Variants in EDF1 observed in about 807,000 individuals in gnomAD.
EDF1 encodes the protein endothelial differentiation related factor 1.
In EDF1, 5 loss-of-function variants were observed where a neutral mutation model predicts 20.8. That is an observed-to-expected ratio of 0.24 (90% CI 0.13 to 0.51). The LOEUF (loss-of-function observed/expected upper bound fraction) is 0.51. EDF1 is among the 20% of genes least tolerant of loss of function. The probability of loss-of-function intolerance (pLI) is 0.97; values close to 1 mark genes in which losing one functional copy is unlikely to be tolerated. For missense variants in EDF1, 137 were observed against 197.8 expected, an observed-to-expected ratio of 0.69 and a Z score of 1.84; for synonymous variants, 96 against 78.5, an observed-to-expected ratio of 1.22 and a Z score of -1.18.
intron 1 of EDF1, among the ~76,000 whole-genome samples, chr9:136,865,979 G>A (rs7025238): frequency 0.78 from 97,364 of 124,438 alleles, 37,265 homozygotes; most frequent in East Asian, 0.87. Context: ...TCCCACCCCT[G>A]TCCTGGCCCG....
At position 136,863,106 on chromosome 9, in the gene EDF1, C is replaced by T. The variant is rs940503428; in HGVS notation, c.292-107G>A. 7 of 1,526,976 alleles carry T rather than the reference C, an allele frequency of 4.6e-6. No individual in the cohort carries two copies. In the African/African-American group the frequency reaches 9.6e-5, roughly 21 times the overall value. The allele number at this position is 1,526,976 out of a possible 1,614,324, so 94.6% of individuals were successfully genotyped here. A position where few individuals can be genotyped will look rare whatever the true frequency, so the allele number is the denominator to read the frequency against. ...CAGCTTCTAGGGCCCCTGGGGTACG[C>T]ACCCACACGCAGCTGGGTTTTGTGC... On this transcript the variant is annotated intron_variant, in intron 3 of 4. Transcript: ENST00000224073. This position sits in a 1 kb window ranked among gnomAD's most constrained non-coding sequence, Gnocchi z 4.5.
In EDF1 at chr9:136,863,500, AG is replaced by A. The variant is rs748412325; in HGVS notation, c.131-53del. On this transcript the variant is annotated intron_variant, in intron 2 of 4. Transcript: ENST00000224073. This position sits in a 1 kb window ranked among gnomAD's most constrained non-coding sequence, Gnocchi z 4.5. The stretch of plus-strand genomic sequence containing the variant: ...AGGAGAGGATTTGGAATTAACCTGA[AG>A]AAAAACCATTTCAAAGCGGTAACCA... 31 of 1,582,774 alleles carry A rather than the reference AG, an allele frequency of 2.0e-5. No individual in the cohort carries two copies. Among genetic ancestry groups the A allele is most frequent in the Non-Finnish European group, 2.6e-5 (30 of 1,160,954 alleles).
At chr9:136,866,133 C>G in intron 1 of EDF1, 48 bp downstream of exon 1, 1 of 1,560,154 alleles carries the variant, frequency 6.4e-7, no homozygotes, top group Non-Finnish European at 8.6e-7. Flanking sequence ...TGGCCCCGGC[C>G]CAGCGTCCGC....
rs995886087 is a variant in EDF1 at position 136,863,195 on chromosome 9, G to A, written c.291+93C>T. The A allele has an allele frequency of 6.5e-7, 1 of 1,550,312 alleles. No homozygotes were observed. The highest frequency in any genetic ancestry group is 8.7e-7 in the Non-Finnish European group (1 of 1,148,260). On this transcript the variant is annotated intron_variant, in intron 3 of 4. Transcript: ENST00000224073. This position sits in a 1 kb window ranked among gnomAD's most constrained non-coding sequence, Gnocchi z 4.5. ...GCATTCCCTGCAGGGGAACCAGGGG[G>A]GTGGAGCCCACCCTCCCCGTGCTAT...
chr9:136,863,688 G>A lies in EDF1; in HGVS notation c.130+132C>T, dbSNP rs1255213179. The A allele has an allele frequency of 1.6e-6, 2 of 1,224,634 alleles. No homozygotes were observed. Among genetic ancestry groups the A allele is most frequent in the Non-Finnish European group, 2.3e-6 (2 of 859,632 alleles). 75.9% of individuals were successfully genotyped at this position (1,224,634 alleles called of 1,614,324 possible). A position where few individuals can be genotyped will look rare whatever the true frequency, so the allele number is the denominator to read the frequency against. ...CTCTGGGAAGATGGCTGCCTCCCAGGGCTCCGGCCAGCACCGGTGCAGGCA... is the reference window on the plus strand; with the variant it reads ...CTCTGGGAAGATGGCTGCCTCCCAGAGCTCCGGCCAGCACCGGTGCAGGCA... On this transcript the variant is annotated intron_variant, in intron 2 of 4. Transcript: ENST00000224073. The surrounding 1 kb of genome is among the most constrained non-coding windows in gnomAD (Gnocchi z 4.5).
chr9:136,864,919 G>A (rs980457432), intron 1 of EDF1, among the ~76,000 whole-genome samples: 16 of 152,186 alleles, frequency 1.1e-4, no homozygotes, highest in East Asian at 1.9e-4. Flanking sequence ...CACCGCGCCC[G>A]GCCAACATTT....
In EDF1 at chr9:136,862,271, C is replaced by T. The variant is rs758124604; in HGVS notation, c.*13G>A. The T allele has an allele frequency of 2.5e-6, 4 of 1,613,982 alleles. No individual in the cohort carries two copies. The highest frequency in any genetic ancestry group is 2.2e-5 in the East Asian group (1 of 44,862). On this transcript the variant is annotated 3_prime_UTR_variant, in exon 5 of 5. Coordinates refer to ENST00000224073, the MANE Select transcript of EDF1 (RefSeq NM_003792.4). This position sits in a 1 kb window ranked among gnomAD's most constrained non-coding sequence, Gnocchi z 4.1. ...GAGATCAGCTGGAGCGCACTGATTT[C>T]GAGGCTTTGTGTTCATTTCGCCCTA...
intron 1 of EDF1, among the ~76,000 whole-genome samples, chr9:136,865,803 C>T (rs1476908402): frequency 6.7e-6 from 1 of 149,408 alleles, no homozygotes; most frequent in Non-Finnish European, 1.5e-5. Context: ...ACACCTGTCC[C>T]CACCAACAGT....
intron 1 of EDF1, among the ~76,000 whole-genome samples, chr9:136,865,615 C>T (rs1013640437): frequency 1.3e-5 from 2 of 151,674 alleles, no homozygotes; most frequent in Admixed American, 6.6e-5. Flanking sequence ...GCTGCTTGCC[C>T]CAGTCCCCAC....
chr9:136,865,621 C>T (rs796110654), intron 1 of EDF1, among the ~76,000 whole-genome samples: 13 of 151,710 alleles, frequency 8.6e-5, no homozygotes, highest in South Asian at 8.3e-4. Context: ...TGCCCCAGTC[C>T]CCACCCCTGT....
intron 1 of EDF1, among the ~76,000 whole-genome samples, chr9:136,864,591 A>G (rs1410582594): frequency 6.6e-6 from 1 of 151,788 alleles, no homozygotes; most frequent in Non-Finnish European, 1.5e-5. Flanking sequence ...ATGCCATCTC[A>G]TCTACAGTCA....
rs1397025648 is a variant in EDF1 at position 136,863,739 on chromosome 9, G to C, written c.130+81C>G. The C allele has an allele frequency of 1.3e-6, 2 of 1,547,590 alleles. No individual in the cohort carries two copies. The highest frequency in any genetic ancestry group is 2.7e-5 in the African/African-American group (2 of 73,458). ...GGCACTCAGCTGACAACGTCCCCGGGGGCGCCGCACACACCACACCCACCA... is the reference window on the plus strand; with the variant it reads ...GGCACTCAGCTGACAACGTCCCCGGCGGCGCCGCACACACCACACCCACCA... On this transcript the variant is annotated intron_variant, in intron 2 of 4. Transcript: ENST00000224073. The surrounding 1 kb of genome is among the most constrained non-coding windows in gnomAD (Gnocchi z 4.5).
At chr9:136,866,032 C>A in intron 1 of EDF1, 149 bp downstream of exon 1, 1 of 698,158 alleles carries the variant, frequency 1.4e-6, no homozygotes. Context: ...CGAACCCCGT[C>A]CTGCCCCCGG....
rs747637139 is a variant in EDF1 at position 136,862,893 on chromosome 9, G to A, written c.385+13C>T. On this transcript the variant is annotated intron_variant, in intron 4 of 4. Transcript: ENST00000224073. The surrounding 1 kb of genome is among the most constrained non-coding windows in gnomAD (Gnocchi z 4.1). ...TGTTCAGCGGACCCGGCGAAGGGTG[G>A]AGGGACACTCACCAATGGCCCGCTC... 3.7e-6 allele frequency: 6 copies of A among 1,613,168 alleles called. No individual in the cohort carries two copies. The highest frequency in any genetic ancestry group is 1.7e-5 in the Admixed American group (1 of 60,014).
intron 1 of EDF1, 64 bp downstream of exon 1, chr9:136,866,117 G>A (rs1019425357): frequency 1.4e-6 from 2 of 1,463,714 alleles, no homozygotes; most frequent in Admixed American, 2.2e-5. Flanking sequence ...CCTGCCCCAC[G>A]GTCCGTGGCC....
rs1849153538 is a variant in EDF1, at chr9:136,863,534, G to C, written c.131-86C>G. On this transcript the variant is annotated intron_variant, in intron 2 of 4. Coordinates refer to ENST00000224073, the MANE Select transcript of EDF1 (RefSeq NM_003792.4). This position sits in a 1 kb window ranked among gnomAD's most constrained non-coding sequence, Gnocchi z 4.5. ...ATTTCAAAGCGGTAACCAGACCCCA[G>C]AGGCTGCCTGAACTCAAGGGGACAT... 8 of 1,493,802 alleles carry C rather than the reference G, an allele frequency of 5.4e-6. No individual in the cohort carries two copies. Among genetic ancestry groups the C allele is most frequent in the East Asian group, 2.4e-5 (1 of 41,998 alleles). 92.5% of individuals were successfully genotyped at this position (1,493,802 alleles called of 1,614,324 possible).
rs1217424567 is a variant in EDF1 at position 136,863,745 on chromosome 9, C to A, written c.130+75G>T. 3.8e-6 allele frequency: 6 copies of A among 1,568,038 alleles called. No individual in the cohort carries two copies. In the East Asian group the frequency reaches 1.3e-4, roughly 35 times the overall value. ...CAGCTGACAACGTCCCCGGGGGCGC[C>A]GCACACACCACACCCACCAGCACAT... On this transcript the variant is annotated intron_variant, in intron 2 of 4. Coordinates refer to ENST00000224073, the MANE Select transcript of EDF1 (RefSeq NM_003792.4). The surrounding 1 kb of genome is among the most constrained non-coding windows in gnomAD (Gnocchi z 4.5).
chr9:136,866,074 T>G, intron 1 of EDF1, 107 bp downstream of exon 1: 1 of 832,228 alleles, frequency 1.2e-6, no homozygotes, highest in Non-Finnish European at 1.6e-6. Flanking sequence ...CCCTGCGCCC[T>G]GTCCCAGGCC....
chr9:136,865,121 C>T (rs1218946744), intron 1 of EDF1, among the ~76,000 whole-genome samples: 2 of 152,136 alleles, frequency 1.3e-5, no homozygotes, highest in Non-Finnish European at 2.9e-5. Flanking sequence ...TCACCAGAGC[C>T]CCAGCGCATC....
Sources: allele counts gnomAD v4.1 joint callset (sites outside exome capture counted in the v4.1 genomes callset), GRCh38; gene constraint gnomAD v4.1.1; non-coding constraint Gnocchi (gnomAD v3.1); transcripts MANE v1.5; gene names NCBI Gene and HGNC (gene_info 2026-07-23, HGNC 2026-07-21).